Variants in MFHAS1 observed in about 807,000 individuals in gnomAD.
The protein encoded by MFHAS1 is multifunctional ROCO family signaling regulator 1.
MFHAS1 carries 50 observed loss-of-function variants against 70.4 expected under a neutral mutation model. That is an observed-to-expected ratio of 0.71 (90% CI 0.57 to 0.90). The LOEUF is 0.90. Among genes scored for constraint, MFHAS1 ranks in the 40% least tolerant of loss-of-function variants. The pLI, the probability that MFHAS1 is intolerant of heterozygous loss-of-function variation, is 0.00. For missense variants in MFHAS1, 1,795 were observed against 1,347.6 expected (o/e 1.33, Z -5.20); for synonymous variants, 952 against 620.0 (o/e 1.54, Z -7.96).
intron 1 of MFHAS1, among the ~76,000 whole-genome samples, chr8:8,846,716 C>G (rs1455936188): frequency 6.6e-6 from 1 of 152,110 alleles, no homozygotes; most frequent in Non-Finnish European, 1.5e-5. Context: ...CTCAAATGCT[C>G]TTCCCTCACA....
chr8:8,789,773 G>C (rs1805665881), intron 2 of MFHAS1, among the ~76,000 whole-genome samples: 2 of 152,000 alleles, frequency 1.3e-5, no homozygotes, highest in African/African-American at 2.4e-5. Context: ...CCCACACCTG[G>C]AACACCTCCT....
rs550837527 is a variant in MFHAS1, at chr8:8,814,008, G to A, written c.2999-16517C>T. ...TGCTGGAGTGCAGGGGCATGATCTCGGTCACTGCAACCTTCACCTCCCAGG... is the reference window on the plus strand; with the variant it reads ...TGCTGGAGTGCAGGGGCATGATCTCAGTCACTGCAACCTTCACCTCCCAGG... On this transcript the variant is annotated intron_variant, in intron 1 of 2. Transcript: ENST00000276282. Among the ~76,000 whole-genome samples, 6 of 150,680 alleles carry A rather than the reference G, an allele frequency of 4.0e-5. No individual in the cohort carries two copies. In the South Asian group the frequency reaches 8.4e-4, roughly 21 times the overall value.
intron 1 of MFHAS1, among the ~76,000 whole-genome samples, chr8:8,837,543 T>C (rs944834861): frequency 6.6e-6 from 1 of 151,894 alleles, no homozygotes; most frequent in African/African-American, 2.4e-5. Context: ...CTCGAGAGGC[T>C]GAGGCACAAG....
chr8:8,847,615 C>T (rs1365513654), intron 1 of MFHAS1, among the ~76,000 whole-genome samples: 2 of 152,074 alleles, frequency 1.3e-5, no homozygotes, highest in Non-Finnish European at 2.9e-5. Flanking sequence ...TAAAAAGAGC[C>T]CTATGCTTAG....
At position 8,891,832 on chromosome 8, in the gene MFHAS1, CCGGGG is replaced by C; in HGVS notation, c.1222_1226del (p.Pro408AlafsTer9). 6.2e-7 allele frequency: 1 copy of C among 1,612,954 alleles called. No individual in the cohort carries two copies. The highest frequency in any genetic ancestry group is 8.5e-7 in the Non-Finnish European group (1 of 1,179,862). On this transcript the variant is annotated frameshift_variant, in exon 1 of 3. Transcript: ENST00000276282. LOFTEE classifies it high-confidence loss of function. This position sits in a 1 kb window ranked among gnomAD's most constrained non-coding sequence, Gnocchi z 5.4. ...TATGCCCCATCAGGAGCAGCTTGAG[CCGGGG>C]CTGCACCGCCGGCTGGGAATGAGCC...
intron 1 of MFHAS1, among the ~76,000 whole-genome samples, chr8:8,806,508 A>C (rs1235955398): frequency 6.6e-6 from 1 of 152,242 alleles, no homozygotes; most frequent in Non-Finnish European, 1.5e-5. Flanking sequence ...GAACAATAGC[A>C]AAGTAAAATA....
intron 1 of MFHAS1, among the ~76,000 whole-genome samples, chr8:8,885,986 T>C (rs1809738696): frequency 6.6e-6 from 1 of 152,210 alleles, no homozygotes; most frequent in African/African-American, 2.4e-5. Flanking sequence ...TTAGGCTTCA[T>C]CATAGGCCAT....
chr8:8,877,324 CG>C (rs1932172499), intron 1 of MFHAS1, among the ~76,000 whole-genome samples: 1 of 57,120 alleles, frequency 1.8e-5, no homozygotes, highest in Middle Eastern at 0.013. Flanking sequence ...AAAAAAACTA[CG>C]GTGTTCCATT....
At position 8,891,281 on chromosome 8, in the gene MFHAS1, G is replaced by A. The variant is rs372323692; in HGVS notation, c.1778C>T (p.Ala593Val). ...CTTGTCCGAAACGCCATAGTAGGCT[G>A]CGTGGGGGCTGGCAGAGCGCAGCTC... Reference protein sequence around the residue: ...DFELRSASPHAAYYGVSDKNL... With the variant: ...DFELRSASPHVAYYGVSDKNL... The change falls in exon 1 of 3, where the codon GCA becomes GTA. Residue 593 changes from alanine to valine, a missense_variant. Physicochemically the swap from Ala to Val is moderately conservative, Grantham distance 64. Transcript: ENST00000276282. The surrounding 1 kb of genome is among the most constrained non-coding windows in gnomAD (Gnocchi z 5.4). 12 of 1,611,792 alleles carry A rather than the reference G, an allele frequency of 7.4e-6. No homozygotes were observed. Among genetic ancestry groups the A allele is most frequent in the Non-Finnish European group, 4.2e-6 (5 of 1,180,038 alleles).
chr8:8,842,216 C>T (rs1585046504), intron 1 of MFHAS1, among the ~76,000 whole-genome samples: 1 of 151,636 alleles, frequency 6.6e-6, no homozygotes, highest in Non-Finnish European at 1.5e-5. Flanking sequence ...AACGGAATTT[C>T]GCTCTGTTGC....
intron 1 of MFHAS1, among the ~76,000 whole-genome samples, chr8:8,819,657 C>A (rs911221651): frequency 2.0e-5 from 3 of 151,716 alleles, no homozygotes; most frequent in African/African-American, 2.4e-5. Flanking sequence ...AAAGTGGCTG[C>A]CTCCAGAAAG....
chr8:8,812,303 TA>T (rs1412042474), intron 1 of MFHAS1, among the ~76,000 whole-genome samples: 1 of 152,150 alleles, frequency 6.6e-6, no homozygotes, highest in Non-Finnish European at 1.5e-5. Flanking sequence ...GAAGCCGGCG[TA>T]AGATCTTAGC....
rs1810178415 is a variant in MFHAS1 at position 8,893,377 on chromosome 8, G to C, written c.-319C>G. On this transcript the variant is annotated 5_prime_UTR_variant, in exon 1 of 3. Coordinates refer to ENST00000276282, the MANE Select transcript of MFHAS1 (RefSeq NM_004225.3). The stretch of plus-strand genomic sequence containing the variant: ...CTCCTCCTCCCTCTCCGCCCGCCGC[G>C]CGGCGCCTCGGGGGGCCCGGCTCCG... The C allele has an allele frequency of 6.9e-6, 1 of 145,580 alleles. No individual in the cohort carries two copies. The highest frequency in any genetic ancestry group is 1.5e-5 in the Non-Finnish European group (1 of 65,512). 9.0% of individuals were successfully genotyped at this position (145,580 alleles called of 1,614,324 possible).
At chr8:8,856,821 A>G (rs1258205954) in intron 1 of MFHAS1, among the ~76,000 whole-genome samples, 2 of 152,088 alleles carry the variant, frequency 1.3e-5, no homozygotes, top group Admixed American at 1.3e-4. Flanking sequence ...ACCGGCATGT[A>G]TCAGTTTATT....
Position 8,807,376 on chromosome 8 carries a change from G to A in MFHAS1, c.2999-9885C>T, listed in dbSNP as rs28373955. The stretch of plus-strand genomic sequence containing the variant: ...AGAGAATCACTTACAATTTCATTTC[G>A]GTCTCTGTGGTCCATTCATTCTCCC... On this transcript the variant is annotated intron_variant, in intron 1 of 2. Transcript: ENST00000276282. Among the ~76,000 whole-genome samples the A allele has an allele frequency of 3.2e-3, 492 of 151,872 alleles. 5 individuals are homozygous for A. Among genetic ancestry groups the A allele is most frequent in the African/African-American group, 0.011 (467 of 41,380 alleles).
intron 1 of MFHAS1, among the ~76,000 whole-genome samples, chr8:8,869,336 C>G (rs911125660): frequency 1.3e-5 from 2 of 152,206 alleles, no homozygotes; most frequent in Non-Finnish European, 2.9e-5. Context: ...AGAACAAAAG[C>G]TGATTCGTTA....
rs1185165952 is a variant in MFHAS1 at position 8,890,086 on chromosome 8, T to C, written c.2973A>G (p.Gly991=). The change falls in exon 1 of 3, where the codon GGA becomes GGG. Residue 991 remains glycine, a synonymous_variant. Transcript: ENST00000276282. The stretch of plus-strand genomic sequence containing the variant: ...CTGGAAAAGCATGTGGATTGGGCGA[T>C]CCTCTCTTAAGGCACTTAGAACAGA... ...HILCSKCLKR[G]SPNPHAFPGE... 1 of 1,607,638 alleles carries C rather than the reference T, an allele frequency of 6.2e-7. No homozygotes were observed. Among genetic ancestry groups the C allele is most frequent in the Non-Finnish European group, 8.5e-7 (1 of 1,175,414 alleles).
rs1449775614 is a variant in MFHAS1, at chr8:8,867,581, G to T, written c.2998+22480C>A. 2.0e-5 allele frequency among the ~76,000 whole-genome samples: 3 copies of T among 149,064 alleles called. 1 individual carries two copies. The highest frequency in any genetic ancestry group is 4.4e-5 in the Non-Finnish European group (3 of 67,456). ...TGCTATACTTTTTTTTTTTTTTGAG[G>T]TGGAGTCTCGCTGTCTCCTAGGCTG... On this transcript the variant is annotated intron_variant, in intron 1 of 2. Transcript: ENST00000276282.
chr8:8,833,168 G>A (rs1357315954), intron 1 of MFHAS1, among the ~76,000 whole-genome samples: 1 of 152,120 alleles, frequency 6.6e-6, no homozygotes, highest in African/African-American at 2.4e-5. Context: ...AAGGGGGACT[G>A]GTGCTACACC....
Sources: allele counts gnomAD v4.1 joint callset (sites outside exome capture counted in the v4.1 genomes callset), GRCh38; gene constraint gnomAD v4.1.1; non-coding constraint Gnocchi (gnomAD v3.1); transcripts MANE v1.5; gene names NCBI Gene and HGNC (gene_info 2026-07-23, HGNC 2026-07-21).